Variants in FGD3 observed in about 807,000 individuals in gnomAD.
FGD3 encodes FYVE, RhoGEF and PH domain containing 3.
Under a neutral mutation model 71.8 loss-of-function variants are expected in FGD3, and 45 were observed. The observed-to-expected ratio is 0.63, with a 90% confidence interval of 0.49 to 0.80. The LOEUF (loss-of-function observed/expected upper bound fraction) is 0.80, where lower values mean the gene tolerates loss of function less well. FGD3 is among the 30% of genes least tolerant of loss of function. The probability of loss-of-function intolerance (pLI) is 0.00; values close to 1 mark genes in which losing one functional copy is unlikely to be tolerated. For missense variants in FGD3, 844 were observed against 951.5 expected (o/e 0.89, Z 1.49); for synonymous variants, 378 against 392.8 (o/e 0.96, Z 0.44).
Position 92,951,126 on chromosome 9 carries a change from A to G in FGD3, c.-218+3397A>G, listed in dbSNP as rs552195242. 1.3e-3 allele frequency among the ~76,000 whole-genome samples: 193 copies of G among 152,300 alleles called. 1 individual carries two copies. Among genetic ancestry groups the G allele is most frequent in the African/African-American group, 4.4e-3 (182 of 41,570 alleles). The stretch of plus-strand genomic sequence containing the variant: ...CTAGGTCTAGTGTGTTCATGAGGGA[A>G]TTCCAACCGGCCTTTAAGGAATGTG... On this transcript the variant is annotated intron_variant, in intron 1 of 17. Transcript: ENST00000375482.
intron 3 of FGD3, among the ~76,000 whole-genome samples, chr9:93,001,632 A>AG (rs1860862421): frequency 6.6e-6 from 1 of 152,090 alleles, no homozygotes; most frequent in Non-Finnish European, 1.5e-5. Context: ...CATTATTTTG[A>AG]CTTGCTCCAG....
chr9:93,024,678 G>A lies in FGD3; in HGVS notation c.1557+2289G>A, dbSNP rs1051237380. ...CAGAAGTGGGTGGAGGCCACGTGCTGAGGGATGCCCTGGGTGGGCAGGACC... is the reference window on the plus strand; with the variant it reads ...CAGAAGTGGGTGGAGGCCACGTGCTAAGGGATGCCCTGGGTGGGCAGGACC... On this transcript the variant is annotated intron_variant, in intron 14 of 17. Transcript: ENST00000375482. 2.1e-4 allele frequency among the ~76,000 whole-genome samples: 32 copies of A among 152,252 alleles called. 1 individual carries two copies. The highest frequency in any genetic ancestry group is 2.1e-3 in the Admixed American group (32 of 15,284).
intron 3 of FGD3, among the ~76,000 whole-genome samples, chr9:92,981,582 A>G (rs904848895): frequency 4.6e-5 from 7 of 151,908 alleles, no homozygotes; most frequent in African/African-American, 1.7e-4. Context: ...CAAGTTCTCT[A>G]TTTCCTTATT....
At chr9:92,951,568 C>T (rs1377494900) in intron 1 of FGD3, among the ~76,000 whole-genome samples, 2 of 152,130 alleles carry the variant, frequency 1.3e-5, no homozygotes, top group Admixed American at 6.5e-5. Flanking sequence ...CCCAGCTACT[C>T]GGGAGACTGA....
chr9:93,022,379 G>A lies in FGD3; in HGVS notation c.1547G>A (p.Gly516Asp), dbSNP rs771698708. The A allele has an allele frequency of 6.2e-7, 1 of 1,612,602 alleles. No homozygotes were observed. ...EPVVTTEGSS[G>D]AAGLEPRKLS... Reference sequence around the variant, plus strand: ...GTGGTGACCACCGAAGGCAGTTCGGGTGCAGCAGGGGTAAGTGCCCCATGC... The same window carrying A: ...GTGGTGACCACCGAAGGCAGTTCGGATGCAGCAGGGGTAAGTGCCCCATGC... Residue 516 changes from glycine to aspartate, a missense_variant, in exon 14 of 18, where the codon GGT becomes GAT. Coordinates refer to ENST00000375482, the MANE Select transcript of FGD3 (RefSeq NM_001083536.2).
chr9:93,034,146 GGTGT>G (rs143800227), intron 16 of FGD3: 7 of 161,496 alleles, frequency 4.3e-5, no homozygotes, highest in South Asian at 3.8e-4. Context: ...CTGTGTGTGT[GGTGT>G]GTGTGTGTGT....
chr9:92,966,163 T>C (rs957156318), intron 1 of FGD3, among the ~76,000 whole-genome samples: 9 of 152,104 alleles, frequency 5.9e-5, no homozygotes, highest in African/African-American at 2.2e-4. Flanking sequence ...TCCTTGTAGG[T>C]GACAAGGGGC....
At chr9:93,007,048 G>A (rs1014487316) in intron 6 of FGD3, among the ~76,000 whole-genome samples, 13 of 148,422 alleles carry the variant, frequency 8.8e-5, no homozygotes, top group Non-Finnish European at 1.8e-4. Flanking sequence ...CTTTATGGTG[G>A]TGTTTGCCAT....
At chr9:93,000,063 A>T (rs1357864111) in intron 3 of FGD3, among the ~76,000 whole-genome samples, 9 of 139,088 alleles carry the variant, frequency 6.5e-5, no homozygotes, top group Non-Finnish European at 1.4e-4. Context: ...TTTTTTTTGT[A>T]GTGATATGCT....
chr9:93,002,844 C>A, intron 3 of FGD3, 81 bp from the exon 4 acceptor site: 1 of 1,429,562 alleles, frequency 7.0e-7, no homozygotes, highest in Non-Finnish European at 9.8e-7. Flanking sequence ...CCTGGTTCTC[C>A]TGCACACAGT....
chr9:92,982,526 G>A (rs953108028), intron 3 of FGD3, among the ~76,000 whole-genome samples: 2 of 151,688 alleles, frequency 1.3e-5, no homozygotes, highest in Non-Finnish European at 2.9e-5. Flanking sequence ...GGATCATATG[G>A]TAGTTCTATG....
At chr9:92,974,427 T>C (rs570019459) in intron 1 of FGD3, 1 of 152,392 alleles carries the variant, frequency 6.6e-6, no homozygotes, top group South Asian at 2.1e-4. Flanking sequence ...ACCTGAGCGA[T>C]TCTGGAGTCA....
intron 14 of FGD3, 126 bp downstream of exon 14, chr9:93,022,515 G>T: frequency 1.0e-6 from 1 of 954,354 alleles, no homozygotes; most frequent in Non-Finnish European, 1.6e-6. Context: ...GAGGGCTGAG[G>T]GGCCAGTCTG....
intron 3 of FGD3, among the ~76,000 whole-genome samples, chr9:92,991,021 TTCAGTGGTGAACCCACTGGGTCCTG>T (rs1860387393): frequency 6.6e-6 from 1 of 152,182 alleles, no homozygotes; most frequent in African/African-American, 2.4e-5. Flanking sequence ...TTCAGTAGAA[TTCAGTGGTGAACCCACTGGGTCCTG>T]GACTTTTTTT....
At chr9:92,952,323 G>A (rs185689809) in intron 1 of FGD3, among the ~76,000 whole-genome samples, 9 of 146,402 alleles carry the variant, frequency 6.1e-5, no homozygotes, top group East Asian at 4.1e-4. Context: ...TGCAAGCTCC[G>A]CTTCCTGGCT....
chr9:93,033,792 A>G (rs1862473521), intron 16 of FGD3: 1 of 152,438 alleles, frequency 6.6e-6, no homozygotes. Flanking sequence ...GTGTGTTTTC[A>G]GAGTCCCAGC....
chr9:92,999,422 G>T (rs187835452), intron 3 of FGD3, among the ~76,000 whole-genome samples: 4 of 151,916 alleles, frequency 2.6e-5, no homozygotes, highest in African/African-American at 9.7e-5. Flanking sequence ...TGTGCTTCCC[G>T]GGTGTGGCAA....
In FGD3 at chr9:92,969,082, A is replaced by G. The variant is rs1165325426; in HGVS notation, c.-217-6156A>G. 6.6e-6 allele frequency among the ~76,000 whole-genome samples: 1 copy of G among 152,214 alleles called. No individual in the cohort carries two copies. The highest frequency in any genetic ancestry group is 1.5e-5 in the Non-Finnish European group (1 of 68,030). ...ATAGGCAGTTCACATGGTTTATTGT[A>G]TCACCTAGAGGCACTTACAGTATTG... On this transcript the variant is annotated intron_variant, in intron 1 of 17. Coordinates refer to ENST00000375482, the MANE Select transcript of FGD3 (RefSeq NM_001083536.2). The surrounding 1 kb of genome is among the most constrained non-coding windows in gnomAD (Gnocchi z 4.5).
At chr9:92,953,589 A>G (rs542889878) in intron 1 of FGD3, among the ~76,000 whole-genome samples, 4 of 152,174 alleles carry the variant, frequency 2.6e-5, no homozygotes, top group Non-Finnish European at 5.9e-5. Context: ...GTGTCCAGGG[A>G]TATTTTCCCC....
Sources: gnomAD v4.1 joint callset for allele counts (sites outside exome capture counted in the v4.1 genomes callset) on GRCh38, gnomAD v4.1.1 for gene constraint, Gnocchi (gnomAD v3.1) non-coding constraint, MANE v1.5 for transcripts, NCBI Gene and HGNC (gene_info 2026-07-23, HGNC 2026-07-21) for gene names.